The following RBFOX1 variants were observed in gnomAD, a reference collection of about 807,000 sequenced individuals.
RBFOX1 encodes RNA binding protein fox-1 homolog 1.
In RBFOX1, 8 loss-of-function variants were observed where a neutral mutation model predicts 57.7. The ratio of observed to expected loss-of-function variants is 0.14; its 90% CI spans 0.08 to 0.25. RBFOX1 has a LOEUF of 0.25. Among genes scored for constraint, RBFOX1 ranks in the 10% least tolerant of loss-of-function variants. RBFOX1 has a pLI of 1.00. For synonymous variants in RBFOX1, 326 were observed against 222.4 expected (o/e 1.47, Z -4.15); for missense variants, 611 against 548.5 (o/e 1.11, Z -1.14).
intron 3 of RBFOX1, among the ~76,000 whole-genome samples, chr16:7,029,756 G>C (rs111597800): frequency 1.9e-3 from 284 of 152,268 alleles, no homozygotes; most frequent in Non-Finnish European, 3.1e-3. Context: ...TGGTTCACTT[G>C]TTCAATGATT....
intron 4 of RBFOX1, among the ~76,000 whole-genome samples, chr16:7,487,451 C>G (rs1335435192): frequency 6.6e-6 from 1 of 152,176 alleles, no homozygotes; most frequent in Non-Finnish European, 1.5e-5. Context: ...GTTATATGCC[C>G]AGCACAGTGA....
intron 1 of RBFOX1, among the ~76,000 whole-genome samples, chr16:5,350,703 T>A (rs1016335976): frequency 1.3e-5 from 2 of 151,974 alleles, no homozygotes; most frequent in Admixed American, 1.3e-4. Context: ...CCGTCTCTAG[T>A]GAAAATACAA....
At chr16:6,320,910 C>T (rs1243277513) in intron 2 of RBFOX1, among the ~76,000 whole-genome samples, 1 of 152,178 alleles carries the variant, frequency 6.6e-6, no homozygotes, top group Non-Finnish European at 1.5e-5. Context: ...TATCCTGCCT[C>T]AGCCTCCCAA....
intron 3 of RBFOX1, among the ~76,000 whole-genome samples, chr16:7,002,428 A>G (rs996336382): frequency 1.3e-5 from 2 of 152,164 alleles, no homozygotes; most frequent in African/African-American, 4.8e-5. Context: ...CTTTTCAACT[A>G]TTTTCGCTGG....
At chr16:7,034,827 C>CTTTTTTTTTTTTTTTTTTTTTTTTTTT (rs113413414) in intron 3 of RBFOX1, among the ~76,000 whole-genome samples, 2 of 54,114 alleles carry the variant, frequency 3.7e-5, no homozygotes, top group Non-Finnish European at 6.2e-5. Context: ...TATTGCATTA[C>CTTTTTTTTTTTTTTTTTTTTTTTTTTT]TTTTTTTTTT....
chr16:5,527,126 A>T (rs961692785), intron 2 of RBFOX1, among the ~76,000 whole-genome samples: 2 of 152,202 alleles, frequency 1.3e-5, no homozygotes, highest in Admixed American at 1.3e-4. Flanking sequence ...ACATATTGGA[A>T]AGGCTGGTGG....
intron 14 of RBFOX1, among the ~76,000 whole-genome samples, chr16:7,706,713 CA>C (rs1199555348): frequency 2.6e-5 from 4 of 152,160 alleles, no homozygotes; most frequent in African/African-American, 9.7e-5. Context: ...ACAGCTTTGC[CA>C]AATTTAAGTA....
At chr16:5,288,360 C>T (rs953990039) in intron 1 of RBFOX1, among the ~76,000 whole-genome samples, 2 of 152,290 alleles carry the variant, frequency 1.3e-5, no homozygotes, top group East Asian at 3.9e-4. Flanking sequence ...GTTGGGGGCA[C>T]TCACTTGTTA....
At chr16:7,134,616 G>A (rs62017064) in intron 4 of RBFOX1, among the ~76,000 whole-genome samples, 13,588 of 152,082 alleles carry the variant, frequency 0.089, 858 homozygotes, top group Non-Finnish European at 0.13. Context: ...CCTTCACCCT[G>A]CCCACATCCA....
intron 1 of RBFOX1, among the ~76,000 whole-genome samples, chr16:6,247,924 C>A (rs1373331594): frequency 1.3e-5 from 2 of 152,196 alleles, no homozygotes; most frequent in Non-Finnish European, 2.9e-5. Context: ...CATTCCAACA[C>A]TGGTTAATGG....
intron 3 of RBFOX1, among the ~76,000 whole-genome samples, chr16:6,742,554 A>G (rs2072505329): frequency 6.6e-6 from 1 of 152,174 alleles, no homozygotes; most frequent in African/African-American, 2.4e-5. Context: ...CAGCAGTTTT[A>G]TTTCTGAGTC....
In RBFOX1 at chr16:6,587,892, T is replaced by A. The variant is rs188822170; in HGVS notation, c.-63-66711T>A. Among the ~76,000 whole-genome samples the A allele has an allele frequency of 2.5e-3, 388 of 152,342 alleles. 1 individual carries two copies. Among genetic ancestry groups the A allele is most frequent in the Non-Finnish European group, 4.6e-3 (313 of 68,034 alleles). On this transcript the variant is annotated intron_variant, in intron 2 of 15. Coordinates refer to ENST00000550418, the MANE Select transcript of RBFOX1 (RefSeq NM_018723.4). ...GACAATTTGAAAATTACAGGCACCA[T>A]GAACAACTCATGCCTAAAGGCTTCA...
intron 4 of RBFOX1, among the ~76,000 whole-genome samples, chr16:7,371,489 C>G (rs2097565040): frequency 6.6e-6 from 1 of 152,176 alleles, no homozygotes; most frequent in African/African-American, 2.4e-5. Flanking sequence ...GTGGCTCACG[C>G]CTGTAATCCC....
At chr16:6,775,044 G>C (rs1468219347) in intron 3 of RBFOX1, among the ~76,000 whole-genome samples, 3 of 151,890 alleles carry the variant, frequency 2.0e-5, no homozygotes, top group Admixed American at 6.6e-5. Flanking sequence ...ATGTAGACAA[G>C]GCAGGGCGCA....
At chr16:7,530,008 CA>C (rs35251344) in intron 5 of RBFOX1, among the ~76,000 whole-genome samples, 29 of 125,032 alleles carry the variant, frequency 2.3e-4, no homozygotes, top group Admixed American at 1.3e-3. Flanking sequence ...GACTCCATCT[CA>C]AAAAAAAAAA....
chr16:7,159,350 C>A (rs1360996384), intron 4 of RBFOX1, among the ~76,000 whole-genome samples: 1 of 152,036 alleles, frequency 6.6e-6, no homozygotes, highest in Admixed American at 6.6e-5. Flanking sequence ...GGTGGCAAGC[C>A]CCTGGTGAAC....
chr16:7,477,071 CTTTA>C (rs2062875049), intron 4 of RBFOX1, among the ~76,000 whole-genome samples: 1 of 152,104 alleles, frequency 6.6e-6, no homozygotes, highest in Admixed American at 6.6e-5. Flanking sequence ...CAGCAAGTTT[CTTTA>C]TTTTCCTTCC....
chr16:7,170,829 G>C (rs1031996584), intron 4 of RBFOX1, among the ~76,000 whole-genome samples: 2 of 152,138 alleles, frequency 1.3e-5, no homozygotes, highest in African/African-American at 2.4e-5. Flanking sequence ...TTAAATCCAG[G>C]AGATCCCTTG....
At chr16:7,690,757 TGAGA>T (rs1350906998) in intron 14 of RBFOX1, among the ~76,000 whole-genome samples, 1 of 152,122 alleles carries the variant, frequency 6.6e-6, no homozygotes, top group Admixed American at 6.6e-5. Flanking sequence ...GCAAATGGCT[TGAGA>T]GAGGGTCATA....
Sources: gnomAD v4.1 joint callset for allele counts (sites outside exome capture counted in the v4.1 genomes callset) on GRCh38, gnomAD v4.1.1 for gene constraint, MANE v1.5 for transcripts, NCBI Gene and HGNC (gene_info 2026-07-23, HGNC 2026-07-21) for gene names.